The following CNOT1 variants were observed in gnomAD, a reference collection of about 807,000 sequenced individuals.
The protein encoded by CNOT1 is CCR4-associated factor 1.
A neutral mutation model predicts 273.8 loss-of-function variants in CNOT1; 15 were observed. The ratio of observed to expected loss-of-function variants is 0.05; its 90% confidence interval spans 0.04 to 0.08. CNOT1 has a LOEUF of 0.08. Ranked by LOEUF, CNOT1 falls within the 10% of genes least tolerant of loss-of-function variation. CNOT1 has a pLI of 1.00. For synonymous variants in CNOT1, 1,022 were observed against 1,005.5 expected (o/e 1.02, Z -0.31); for missense variants, 1,644 against 2,912.2 (o/e 0.56, Z 10.02).
chr16:58,556,822 A>C, intron 19 of CNOT1, 25 bp downstream of exon 19: 1 of 1,609,474 alleles, frequency 6.2e-7, no homozygotes, highest in Non-Finnish European at 8.5e-7. Flanking sequence ...CACACTTCAC[A>C]ATCACAGACA....
At chr16:58,522,246 A>AAAC (rs1160289755) in intron 47 of CNOT1, among the ~76,000 whole-genome samples, 6 of 41,580 alleles carry the variant, frequency 1.4e-4, no homozygotes, top group African/African-American at 4.6e-4. Context: ...TCAAAAAAAA[A>AAAC]AAAAAAAAAA....
chr16:58,567,163 A>G (rs1045906309), intron 16 of CNOT1, among the ~76,000 whole-genome samples: 1 of 152,046 alleles, frequency 6.6e-6, no homozygotes, highest in African/African-American at 2.4e-5. Flanking sequence ...ACCTCATAAG[A>G]AAAAAAGAAA....
chr16:58,611,332 G>A (rs1299395574), intron 1 of CNOT1, among the ~76,000 whole-genome samples: 1 of 152,084 alleles, frequency 6.6e-6, no homozygotes, highest in Non-Finnish European at 1.5e-5. Context: ...GGGAGGCTGA[G>A]GCAGGGGAAT....
At chr16:58,554,013 TAGA>T (rs1465997669) in intron 21 of CNOT1, among the ~76,000 whole-genome samples, 153 bp from the exon 22 acceptor site, 6 of 152,040 alleles carry the variant, frequency 3.9e-5, no homozygotes, top group African/African-American at 7.2e-5. Context: ...AAAACAAAAA[TAGA>T]AGGAGAAAAT....
chr16:58,530,243 T>C lies in CNOT1; in HGVS notation c.6279+3A>G. ...TAATTTATAATAAATCCAAGTTAAT[T>C]ACCTTGTAGAGGATTTGCATAGGTT... On this transcript the variant is annotated splice_donor_region_variant and intron_variant, in intron 43 of 48. Coordinates refer to ENST00000317147, the MANE Select transcript of CNOT1 (RefSeq NM_016284.5). 1 of 1,584,128 alleles carries C rather than the reference T, an allele frequency of 6.3e-7. No homozygotes were observed. Among genetic ancestry groups the C allele is most frequent in the Non-Finnish European group, 8.6e-7 (1 of 1,160,290 alleles).
At chr16:58,553,536 A>G (rs1271790134) in intron 22 of CNOT1, among the ~76,000 whole-genome samples, 1 of 152,174 alleles carries the variant, frequency 6.6e-6, no homozygotes, top group Non-Finnish European at 1.5e-5. Flanking sequence ...AGGTTAAAAG[A>G]ATGAGTAAAA....
intron 1 of CNOT1, among the ~76,000 whole-genome samples, chr16:58,600,931 A>T (rs2042438108): frequency 6.6e-6 from 1 of 152,060 alleles, no homozygotes; most frequent in African/African-American, 2.4e-5. Context: ...ACATAGTGAG[A>T]TCCCATCTCT....
intron 12 of CNOT1, among the ~76,000 whole-genome samples, chr16:58,579,331 T>TG (rs1397466265): frequency 7.9e-5 from 12 of 152,200 alleles, no homozygotes; most frequent in Non-Finnish European, 1.6e-4. Flanking sequence ...AAAGAAACTA[T>TG]GGACTGCGTC....
intron 34 of CNOT1, 175 bp from the exon 35 acceptor site, chr16:58,540,134 T>C (rs913261008): frequency 4.9e-6 from 3 of 608,570 alleles, no homozygotes; most frequent in Non-Finnish European, 8.2e-6. Context: ...ATTAATACCA[T>C]CAAGTGGCAC....
intron 22 of CNOT1, 63 bp downstream of exon 22, chr16:58,553,719 C>CA: frequency 6.5e-7 from 1 of 1,529,492 alleles, no homozygotes; most frequent in South Asian, 1.3e-5. Flanking sequence ...AAAAAAAAGC[C>CA]AAAATATTAA....
intron 8 of CNOT1, among the ~76,000 whole-genome samples, chr16:58,584,930 A>C (rs1439866511): frequency 6.6e-6 from 1 of 152,186 alleles, no homozygotes; most frequent in Non-Finnish European, 1.5e-5. Context: ...AGAGGCAGAA[A>C]AGGAAGGAAG....
chr16:58,579,811 G>A (rs1425083246), intron 12 of CNOT1, among the ~76,000 whole-genome samples: 1 of 152,078 alleles, frequency 6.6e-6, no homozygotes, highest in East Asian at 1.9e-4. Flanking sequence ...AGGAATGACG[G>A]GACAGAGTTC....
intron 2 of CNOT1, among the ~76,000 whole-genome samples, chr16:58,590,863 C>A (rs1445685897): frequency 6.6e-6 from 1 of 152,246 alleles, no homozygotes; most frequent in African/African-American, 2.4e-5. Context: ...TCAACCTACA[C>A]TTGCTGAGTA....
chr16:58,571,614 T>G (rs969584296), intron 16 of CNOT1, among the ~76,000 whole-genome samples: 1 of 151,632 alleles, frequency 6.6e-6, no homozygotes, highest in African/African-American at 2.4e-5. Flanking sequence ...TAAAAACACA[T>G]GTACTTAAAA....
rs543816337 is a variant in CNOT1, at chr16:58,610,572, G to A, written c.-174-11061C>T. ...TACAAAAAATTAAAAGGCGGGGCGC[G>A]GTGGCTCACACCTGTAATCCCAGCA... On this transcript the variant is annotated intron_variant, in intron 1 of 48. Transcript: ENST00000317147. Among the ~76,000 whole-genome samples the A allele has an allele frequency of 4.6e-5, 7 of 152,262 alleles. No individual in the cohort carries two copies. In the East Asian group the frequency reaches 1.2e-3, roughly 25 times the overall value.
chr16:58,528,416 T>C, intron 44 of CNOT1, 59 bp downstream of exon 44: 8 of 1,219,724 alleles, frequency 6.6e-6, no homozygotes, highest in South Asian at 1.2e-5. Context: ...AGTCTACTTA[T>C]CAGAGAAAGG....
Position 58,587,506 on chromosome 16 carries a change from A to C in CNOT1, c.310-93T>G, listed in dbSNP as rs2041914082. The C allele has an allele frequency of 2.0e-6, 3 of 1,537,774 alleles. No homozygotes were observed. The South Asian group carries it at 3.6e-5, about 18-fold the overall frequency. ...TGTTTGCCCAAGGATGGCACTACAT[A>C]GGAGTTGCTTAATTCTGTAGTGTTA... On this transcript the variant is annotated intron_variant, in intron 4 of 48. Coordinates refer to ENST00000317147, the MANE Select transcript of CNOT1 (RefSeq NM_016284.5).
At position 58,549,879 on chromosome 16, in the gene CNOT1, G is replaced by A. The variant is rs1277326354; in HGVS notation, c.3362C>T (p.Thr1121Met). The A allele has an allele frequency of 3.1e-6, 5 of 1,613,694 alleles. No individual in the cohort carries two copies. The Admixed American group carries it at 6.7e-5, about 22-fold the overall frequency. ...MTQKVEELKE[T>M]VKEEFMPWVS... The stretch of plus-strand genomic sequence containing the variant: ...CCAAGGCATAAATTCTTCTTTCACC[G>A]TTTCCTTTAGCTCTTCAACCTAGCC... The change falls in exon 25 of 49, where the codon ACG becomes ATG. Residue 1121 changes from threonine (T) to methionine (M), a missense_variant. Thr to Met is a moderately conservative substitution (Grantham distance 81). Transcript: ENST00000317147.
intron 1 of CNOT1, among the ~76,000 whole-genome samples, chr16:58,615,190 A>G (rs2043033155): frequency 8.0e-6 from 1 of 124,944 alleles, no homozygotes; most frequent in Admixed American, 8.0e-5. Context: ...TGGAGAATCC[A>G]TTTCAGAATT....
Sources: allele counts gnomAD v4.1 joint callset (sites outside exome capture counted in the v4.1 genomes callset), GRCh38; gene constraint gnomAD v4.1.1; transcripts MANE v1.5; gene names NCBI Gene and HGNC (gene_info 2026-07-23, HGNC 2026-07-21).